DGKB: variants seen among roughly 807,000 people sequenced by gnomAD.
DGKB encodes the protein diacylglycerol kinase beta, also known as 90 kDa diacylglycerol kinase.
DGKB carries 67 observed loss-of-function variants against 114.3 expected under a neutral mutation model. That is an observed-to-expected ratio of 0.59 (90% CI 0.48 to 0.72). The LOEUF is 0.72. Among genes scored for constraint, DGKB ranks in the 30% least tolerant of loss-of-function variants. The pLI is 0.00. For missense variants in DGKB, 907 were observed against 975.2 expected, an observed-to-expected ratio of 0.93 and a Z score of 0.93; for synonymous variants, 398 against 323.1, an observed-to-expected ratio of 1.23 and a Z score of -2.49.
chr7:14,338,406 T>C, intron 23 of DGKB, 109 bp downstream of exon 23: 1 of 585,784 alleles, frequency 1.7e-6, no homozygotes, highest in Non-Finnish European at 2.7e-6. Context: ...AAAATACAAC[T>C]GTAAAAATAT....
chr7:14,872,275 G>A (rs762452198), intron 1 of DGKB, among the ~76,000 whole-genome samples: 15 of 152,034 alleles, frequency 9.9e-5, no homozygotes, highest in Non-Finnish European at 1.9e-4. Flanking sequence ...ACAAACATAC[G>A]CTATACCTGC....
intron 21 of DGKB, among the ~76,000 whole-genome samples, chr7:14,420,805 A>G (rs1826544737): frequency 6.6e-6 from 1 of 152,106 alleles, no homozygotes; most frequent in African/African-American, 2.4e-5. Context: ...AAGAAAGAGT[A>G]GCCCACATGA....
chr7:14,600,071 A>G (rs1803271010), intron 17 of DGKB, among the ~76,000 whole-genome samples: 1 of 152,212 alleles, frequency 6.6e-6, no homozygotes, highest in Admixed American at 6.5e-5. Context: ...GGGAAGTCCA[A>G]GGTCAAGACA....
chr7:14,780,609 T>G lies in DGKB; in HGVS notation c.71-22878A>C, dbSNP rs531842540. ...ATGCTGTATTTTAGTTTGCATAGCATTTTGAGCATGATGTTCCACAGATTT... is the reference window on the plus strand; with the variant it reads ...ATGCTGTATTTTAGTTTGCATAGCAGTTTGAGCATGATGTTCCACAGATTT... On this transcript the variant is annotated intron_variant, in intron 2 of 25. Transcript: ENST00000402815. 4.6e-4 allele frequency among the ~76,000 whole-genome samples: 69 copies of G among 149,104 alleles called. No homozygotes were observed. The South Asian group carries it at 0.014, about 30-fold the overall frequency.
intron 25 of DGKB, among the ~76,000 whole-genome samples, chr7:14,165,379 T>C (rs1784471020): frequency 6.6e-6 from 1 of 152,220 alleles, no homozygotes; most frequent in South Asian, 2.1e-4. Context: ...TCCTCTGTTC[T>C]GTGATTAGTT....
In DGKB at chr7:14,338,523, G is replaced by A. The variant is rs2128575395; in HGVS notation, c.2114C>T (p.Ala705Val). ...TVTDAKELKF[A>V]SQDLSDQLLE... ...ATTGTTAGAAAACTGACCTTGACTT[G>A]CAAACTTCAACTCTTTGGCATCTGT... The change falls in exon 23 of 26, where the codon GCA becomes GTA. Residue 705 changes from alanine (A) to valine (V), a missense_variant. Ala to Val is a moderately conservative substitution (Grantham distance 64, BLOSUM62 0). This residue lies in a region of DGKB where 814 missense variants were observed against 856.6 expected (regional missense o/e 0.95). Coordinates refer to ENST00000402815, the MANE Select transcript of DGKB (RefSeq NM_001350709.2). 1.9e-6 allele frequency: 3 copies of A among 1,555,506 alleles called. No individual in the cohort carries two copies. In the East Asian group the frequency reaches 7.0e-5, roughly 36 times the overall value.
chr7:14,151,293 G>A (rs142711188), intron 25 of DGKB, among the ~76,000 whole-genome samples: 2 of 151,856 alleles, frequency 1.3e-5, no homozygotes, highest in Admixed American at 6.6e-5. Context: ...TTAAGACTAT[G>A]AAAGAAATAT....
At position 14,714,731 on chromosome 7, in the gene DGKB, T is replaced by C. The variant is rs1419423994; in HGVS notation, c.466+3811A>G. Among the ~76,000 whole-genome samples, 4 of 152,304 alleles carry C rather than the reference T, an allele frequency of 2.6e-5. No individual in the cohort carries two copies. The South Asian group carries it at 6.2e-4, about 24-fold the overall frequency. On this transcript the variant is annotated intron_variant, in intron 6 of 25. Transcript: ENST00000402815. ...AGTAGAGCTATAACCCAAAGAATTATATTTTTATTTCACTAAGTCTCTGCC... is the reference window on the plus strand; with the variant it reads ...AGTAGAGCTATAACCCAAAGAATTACATTTTTATTTCACTAAGTCTCTGCC...
intron 5 of DGKB, among the ~76,000 whole-genome samples, chr7:14,732,197 A>AT (rs11414474): frequency 0.8 from 120,420 of 151,142 alleles, 48,277 homozygotes; most frequent in Non-Finnish European, 0.85. Context: ...AGTGAGCATA[A>AT]TTTTTTTTCC....
chr7:14,786,045 T>C (rs1019966541), intron 2 of DGKB, among the ~76,000 whole-genome samples: 2 of 152,146 alleles, frequency 1.3e-5, no homozygotes, highest in African/African-American at 4.8e-5. Flanking sequence ...TTTCCTTTTT[T>C]TCGTCTTCAT....
At chr7:14,567,610 T>C (rs1797776116) in intron 20 of DGKB, among the ~76,000 whole-genome samples, 1 of 123,110 alleles carries the variant, frequency 8.1e-6, no homozygotes, top group Non-Finnish European at 1.6e-5. Flanking sequence ...TATATATATA[T>C]ATATCTTTTT....
intron 9 of DGKB, 128 bp downstream of exon 9, chr7:14,693,947 T>G: frequency 9.4e-7 from 1 of 1,058,552 alleles, no homozygotes; most frequent in South Asian, 1.7e-5. Context: ...GGCATACTTA[T>G]TAAAAGTTCC....
chr7:14,400,183 A>G (rs1031169369), intron 21 of DGKB, among the ~76,000 whole-genome samples: 1 of 151,820 alleles, frequency 6.6e-6, no homozygotes, highest in Non-Finnish European at 1.5e-5. Flanking sequence ...CCATGATTTC[A>G]TTTCCTTGTG....
intron 4 of DGKB, among the ~76,000 whole-genome samples, chr7:14,742,127 C>G (rs1832671869): frequency 1.3e-5 from 2 of 152,174 alleles, no homozygotes; most frequent in South Asian, 4.2e-4. Context: ...CTCTGTTTTC[C>G]TCATGGAACC....
In DGKB at chr7:14,338,712, T is replaced by C; in HGVS notation, c.1927-2A>G. The C allele has an allele frequency of 7.0e-7, 1 of 1,435,976 alleles. No homozygotes were observed. Among genetic ancestry groups the C allele is most frequent in the Non-Finnish European group, 9.2e-7 (1 of 1,084,616 alleles). 89.0% of individuals were successfully genotyped at this position (1,435,976 alleles called of 1,614,324 possible). On this transcript the variant is annotated splice_acceptor_variant, in intron 22 of 25. Coordinates refer to ENST00000402815, the MANE Select transcript of DGKB (RefSeq NM_001350709.2). LOFTEE classifies it high-confidence loss of function. The stretch of plus-strand genomic sequence containing the variant: ...TAAATCTATCTGTACTCCATCACAC[T>C]GATCGGTAAAAAGAAAGAAACAGAA...
chr7:14,611,705 A>C (rs1366244451), intron 16 of DGKB, among the ~76,000 whole-genome samples: 1 of 151,712 alleles, frequency 6.6e-6, no homozygotes, highest in Non-Finnish European at 1.5e-5. Flanking sequence ...AACTATATAT[A>C]TATATATGTA....
intron 1 of DGKB, among the ~76,000 whole-genome samples, chr7:14,849,859 A>T (rs531781921): frequency 6.6e-6 from 1 of 152,258 alleles, no homozygotes; most frequent in East Asian, 1.9e-4. Flanking sequence ...GGATAAAGGG[A>T]GGATCTAAAG....
At chr7:14,288,685 C>G (rs1038228396) in intron 23 of DGKB, among the ~76,000 whole-genome samples, 2 of 152,118 alleles carry the variant, frequency 1.3e-5, no homozygotes, top group African/African-American at 4.8e-5. Context: ...TAGAGTAGCT[C>G]AAGTCAGCCT....
intron 1 of DGKB, among the ~76,000 whole-genome samples, chr7:14,965,131 A>G (rs1025984683): frequency 1.3e-5 from 2 of 152,136 alleles, no homozygotes; most frequent in Admixed American, 1.3e-4. Context: ...AATACATTTT[A>G]TTTTGATATG....
Sources: gnomAD v4.1 joint callset for allele counts (sites outside exome capture counted in the v4.1 genomes callset) on GRCh38, gnomAD v4.1.1 for gene constraint, gnomAD v4.1.1 regional missense constraint, MANE v1.5 for transcripts, NCBI Gene and HGNC (gene_info 2026-07-23, HGNC 2026-07-21) for gene names.